C19orf85: variants seen among roughly 807,000 people sequenced by gnomAD.
The protein encoded by C19orf85 is chromosome 19 open reading frame 85.
At position 55,464,388 on chromosome 19, in the gene C19orf85, A is replaced by T. The variant is rs1289262647; in HGVS notation, c.167T>A (p.Ile56Asn). The T allele has an allele frequency of 5.0e-6, 2 of 398,024 alleles. No individual in the cohort carries two copies. The highest frequency in any genetic ancestry group is 4.1e-5 in the African/African-American group (2 of 48,464). The allele number at this position is 398,024 out of a possible 1,614,324, so 24.7% of individuals were successfully genotyped here. The part of the protein sequence containing the change: ...PNHRRFLHNQ[I>N]CRQFTKIEAA... ...TCCCCACCAGCCCCCTCACCTGCAG[A>T]TCTGGTTGTGCAGAAACCTTCTGTG... Residue 56 changes from isoleucine (I) to asparagine (N), a missense_variant, in exon 1 of 2, where the codon ATC (isoleucine) becomes AAC (asparagine). Coordinates refer to ENST00000635964, the MANE Select transcript of C19orf85 (RefSeq NM_001386794.1).
Position 55,463,793 on chromosome 19 carries a change from C to T in C19orf85, c.348G>A (p.Leu116=), listed in dbSNP as rs959276288. The T allele has an allele frequency of 2.5e-6, 1 of 398,720 alleles. No homozygotes were observed. The highest frequency in any genetic ancestry group is 3.6e-5 in the East Asian group (1 of 28,084). The allele number at this position is 398,720 out of a possible 1,614,324, so 24.7% of individuals were successfully genotyped here. A position where few individuals can be genotyped will look rare whatever the true frequency, so the allele number is the denominator to read the frequency against. The change falls in exon 2 of 2, where the codon CTG becomes CTA. Residue 116 remains leucine, a synonymous_variant. Coordinates refer to ENST00000635964, the MANE Select transcript of C19orf85 (RefSeq NM_001386794.1). The surrounding 1 kb of genome is among the most constrained non-coding windows in gnomAD (Gnocchi z 4.9). ...TAGAGGTGTCCAGGGCAGCGAGACT[C>T]AGGCTGGCGCTGGCATGGGGAGCCT... ...PTEAPHASAS[L]SLAALDTSTL... is the part of the protein sequence containing the mutation.
rs913800931 is a variant in C19orf85, at chr19:55,463,027, G to C, written c.*445C>G. Reference sequence around the variant, plus strand: ...GCATGGATATACTCTTTTATTGTCTGTTCCCCGCCAAAACACACACATGCA... The same window carrying C: ...GCATGGATATACTCTTTTATTGTCTCTTCCCCGCCAAAACACACACATGCA... On this transcript the variant is annotated 3_prime_UTR_variant, in exon 2 of 2. Coordinates refer to ENST00000635964, the MANE Select transcript of C19orf85 (RefSeq NM_001386794.1). The surrounding 1 kb of genome is among the most constrained non-coding windows in gnomAD (Gnocchi z 4.9). 5.9e-6 allele frequency: 1 copy of C among 168,696 alleles called. No individual in the cohort carries two copies. Among genetic ancestry groups the C allele is most frequent in the Admixed American group, 6.4e-5 (1 of 15,690 alleles). 10.4% of individuals were successfully genotyped at this position (168,696 alleles called of 1,614,324 possible).
rs547268837 is a variant in C19orf85 at position 55,464,430 on chromosome 19, G to C, written c.125C>G (p.Pro42Arg). 82 of 398,400 alleles carry C rather than the reference G, an allele frequency of 2.1e-4. No individual in the cohort carries two copies. Among genetic ancestry groups the C allele is most frequent in the South Asian group, 8.9e-4 (7 of 7,856 alleles). The allele number at this position is 398,400 out of a possible 1,614,324, so 24.7% of individuals were successfully genotyped here. ...CCTTCTGTGGTTGGGCCGCCTCTTG[G>C]GGGGCCGGGTGCGCCGGGGCTGCAG... is the stretch of plus-strand genomic sequence containing the variant. The part of the protein sequence containing the change: ...RALQPRRTRP[P>R]KRRPNHRRFL... The change falls in exon 1 of 2, where the codon CCC becomes CGC. Residue 42 changes from proline (P) to arginine (R), a missense_variant. Physicochemically the swap from Pro to Arg is moderately radical, Grantham distance 103. Transcript: ENST00000635964.
rs568295508 is a variant in C19orf85 at position 55,463,660 on chromosome 19, G to A, written c.481C>T (p.Arg161Cys). 9 of 398,814 alleles carry A rather than the reference G, an allele frequency of 2.3e-5. No homozygotes were observed. Among genetic ancestry groups the A allele is most frequent in the Admixed American group, 1.8e-4 (4 of 22,738 alleles). The allele number at this position is 398,814 out of a possible 1,614,324, so 24.7% of individuals were successfully genotyped here. The part of the protein sequence containing the change: ...APLPAPGLSH[R>C]DLGQLDLRQV... ...CTCAGGTCCAGCTGGCCCAGGTCGC[G>A]ATGGGACAGACCCGGCGCTGGCAGG... The change falls in exon 2 of 2, where the codon CGC becomes TGC. Residue 161 changes from arginine to cysteine, a missense_variant. Arg to Cys is a radical substitution (Grantham distance 180, BLOSUM62 -3). Coordinates refer to ENST00000635964, the MANE Select transcript of C19orf85 (RefSeq NM_001386794.1). This position sits in a 1 kb window ranked among gnomAD's most constrained non-coding sequence, Gnocchi z 4.9.
chr19:55,463,335 G>A lies in C19orf85; in HGVS notation c.*137C>T, dbSNP rs1986298432. The A allele has an allele frequency of 2.5e-6, 1 of 398,106 alleles. No homozygotes were observed. Among genetic ancestry groups the A allele is most frequent in the Non-Finnish European group, 4.4e-6 (1 of 226,250 alleles). 24.7% of individuals were successfully genotyped at this position (398,106 alleles called of 1,614,324 possible). A position where few individuals can be genotyped will look rare whatever the true frequency, so the allele number is the denominator to read the frequency against. ...ACCCCTGAGGCAGTGGTCTGAAGTG[G>A]GGGTCTGGGTTGGTTTATTTTCCCA... On this transcript the variant is annotated 3_prime_UTR_variant, in exon 2 of 2. Transcript: ENST00000635964. The surrounding 1 kb of genome is among the most constrained non-coding windows in gnomAD (Gnocchi z 4.9).
rs1352391893 is a variant in C19orf85 at position 55,463,312 on chromosome 19, C to A, written c.*160G>T. The A allele has an allele frequency of 1.0e-5, 4 of 397,774 alleles. No homozygotes were observed. The highest frequency in any genetic ancestry group is 8.2e-5 in the African/African-American group (4 of 48,632). 24.6% of individuals were successfully genotyped at this position (397,774 alleles called of 1,614,324 possible). ...GGGGCCCCTGGGCCCAGGAGGAGAC[C>A]CCTGAGGCAGTGGTCTGAAGTGGGG... On this transcript the variant is annotated 3_prime_UTR_variant, in exon 2 of 2. Transcript: ENST00000635964. This position sits in a 1 kb window ranked among gnomAD's most constrained non-coding sequence, Gnocchi z 4.9.
At position 55,463,555 on chromosome 19, in the gene C19orf85, A is replaced by G; in HGVS notation, c.586T>C (p.Trp196Arg). The G allele has an allele frequency of 2.5e-6, 1 of 398,616 alleles. No individual in the cohort carries two copies. The highest frequency in any genetic ancestry group is 4.4e-6 in the Non-Finnish European group (1 of 226,090). The allele number at this position is 398,616 out of a possible 1,614,324, so 24.7% of individuals were successfully genotyped here. The stretch of plus-strand genomic sequence containing the variant: ...ACCTCCCAGCAGTCCACCCAACCCC[A>G]GTCGGGAGCCACGAGATCAGCCTCT... ...GEEADLVAPD[W>R]GWVDCWEVPR... is the part of the protein sequence containing the mutation. The change falls in exon 2 of 2, where the codon TGG becomes CGG. Residue 196 changes from tryptophan (W) to arginine (R), a missense_variant. Physicochemically the swap from Trp to Arg is moderately radical, Grantham distance 101. Transcript: ENST00000635964. The surrounding 1 kb of genome is among the most constrained non-coding windows in gnomAD (Gnocchi z 4.9).
At position 55,464,524 on chromosome 19, in the gene C19orf85, C is replaced by T. The variant is rs919011749; in HGVS notation, c.31G>A (p.Val11Ile). The part of the protein sequence containing the change: MHPGVPEGPG[V>I]SEPGPRELCA... ...AGCTCCCGGGGGCCGGGCTCGGAGA[C>T]CCCAGGGCCTTCGGGGACCCCGGGG... The change falls in exon 1 of 2, where the codon GTC becomes ATC. Residue 11 changes from valine (V) to isoleucine (I), a missense_variant. Transcript: ENST00000635964. 3 of 398,288 alleles carry T rather than the reference C, an allele frequency of 7.5e-6. No individual in the cohort carries two copies. The highest frequency in any genetic ancestry group is 1.3e-5 in the Non-Finnish European group (3 of 225,910). 24.7% of individuals were successfully genotyped at this position (398,288 alleles called of 1,614,324 possible).
chr19:55,464,550 T>C lies in C19orf85; in HGVS notation c.5A>G (p.His2Arg). 1 of 398,186 alleles carries C rather than the reference T, an allele frequency of 2.5e-6. No individual in the cohort carries two copies. Among genetic ancestry groups the C allele is most frequent in the Non-Finnish European group, 4.4e-6 (1 of 225,848 alleles). 24.7% of individuals were successfully genotyped at this position (398,186 alleles called of 1,614,324 possible). ...CCCAGGGCCTTCGGGGACCCCGGGG[T>C]GCATGGCCAGGGTGGTCTGGAGTAA... MHPGVPEGPGVS... is the reference protein window; with the variant it reads MRPGVPEGPGVS... Residue 2 changes from histidine (H) to arginine (R), a missense_variant, in exon 1 of 2, where the codon CAC becomes CGC. Transcript: ENST00000635964.
In C19orf85 at chr19:55,464,546, G is replaced by A. The variant is rs1358296195; in HGVS notation, c.9C>T (p.Pro3=). 7.5e-6 allele frequency: 3 copies of A among 398,248 alleles called. No individual in the cohort carries two copies. The highest frequency in any genetic ancestry group is 3.6e-5 in the East Asian group (1 of 28,076). 24.7% of individuals were successfully genotyped at this position (398,248 alleles called of 1,614,324 possible). Residue 3 remains proline (P), a synonymous_variant, in exon 1 of 2, where the codon CCC becomes CCT. Coordinates refer to ENST00000635964, the MANE Select transcript of C19orf85 (RefSeq NM_001386794.1). MH[P]GVPEGPGVSE... Reference sequence around the variant, plus strand: ...AGACCCCAGGGCCTTCGGGGACCCCGGGGTGCATGGCCAGGGTGGTCTGGA... The same window carrying A: ...AGACCCCAGGGCCTTCGGGGACCCCAGGGTGCATGGCCAGGGTGGTCTGGA...
chr19:55,463,471 C>T lies in C19orf85; in HGVS notation c.*1G>A. 1 of 398,724 alleles carries T rather than the reference C, an allele frequency of 2.5e-6. No homozygotes were observed. The highest frequency in any genetic ancestry group is 4.4e-6 in the Non-Finnish European group (1 of 226,214). The allele number at this position is 398,724 out of a possible 1,614,324, so 24.7% of individuals were successfully genotyped here. On this transcript the variant is annotated 3_prime_UTR_variant, in exon 2 of 2. Transcript: ENST00000635964. This position sits in a 1 kb window ranked among gnomAD's most constrained non-coding sequence, Gnocchi z 4.9. ...GGTTCTGGGCTGGGTTGTGATTGGC[C>T]TCATGGGGAGCTGGTCCCCCAACCC...
At position 55,464,434 on chromosome 19, in the gene C19orf85, G is replaced by T. The variant is rs893169971; in HGVS notation, c.121C>A (p.Pro41Thr). The T allele has an allele frequency of 7.5e-6, 3 of 398,250 alleles. No individual in the cohort carries two copies. The highest frequency in any genetic ancestry group is 4.1e-5 in the African/African-American group (2 of 48,606). 24.7% of individuals were successfully genotyped at this position (398,250 alleles called of 1,614,324 possible). A position where few individuals can be genotyped will look rare whatever the true frequency, so the allele number is the denominator to read the frequency against. ...LRALQPRRTR[P>T]PKRRPNHRRF... ...CTGTGGTTGGGCCGCCTCTTGGGGG[G>T]CCGGGTGCGCCGGGGCTGCAGGGCC... Residue 41 changes from proline (P) to threonine (T), a missense_variant, in exon 1 of 2, where the codon CCC (proline) becomes ACC (threonine). Physicochemically the swap from Pro to Thr is conservative, Grantham distance 38. Coordinates refer to ENST00000635964, the MANE Select transcript of C19orf85 (RefSeq NM_001386794.1).
Position 55,463,932 on chromosome 19 carries a change from A to C in C19orf85, c.209T>G (p.Leu70Arg). 2.5e-6 allele frequency: 1 copy of C among 398,782 alleles called. No homozygotes were observed. The highest frequency in any genetic ancestry group is 3.6e-5 in the East Asian group (1 of 28,072). The allele number at this position is 398,782 out of a possible 1,614,324, so 24.7% of individuals were successfully genotyped here. ...FTKIEAATQR[L>R]ALSILSQEAP... The stretch of plus-strand genomic sequence containing the variant: ...CTCCTGGGACAGGATGGAGAGGGCC[A>C]GGCGCTGGGTGGCAGCCTCAATCTT... Residue 70 changes from leucine to arginine, a missense_variant, in exon 2 of 2, where the codon CTG (leucine) becomes CGG (arginine). Physicochemically the swap from Leu to Arg is moderately radical, Grantham distance 102. Coordinates refer to ENST00000635964, the MANE Select transcript of C19orf85 (RefSeq NM_001386794.1). This position sits in a 1 kb window ranked among gnomAD's most constrained non-coding sequence, Gnocchi z 4.9.
In C19orf85 at chr19:55,463,445, G is replaced by A. The variant is rs1009161691; in HGVS notation, c.*27C>T. ...CGTGGAGGGGCCTCTGGCTTGTCCT[G>A]GGTTCTGGGCTGGGTTGTGATTGGC... On this transcript the variant is annotated 3_prime_UTR_variant, in exon 2 of 2. Transcript: ENST00000635964. This position sits in a 1 kb window ranked among gnomAD's most constrained non-coding sequence, Gnocchi z 4.9. 3.5e-5 allele frequency: 14 copies of A among 398,552 alleles called. No homozygotes were observed. The highest frequency in any genetic ancestry group is 1.2e-3 in the Middle Eastern group (2 of 1,610). 24.7% of individuals were successfully genotyped at this position (398,552 alleles called of 1,614,324 possible).
rs1678994950 is a variant in C19orf85, at chr19:55,463,907, C to G, written c.234G>C (p.Glu78Asp). 2.3e-5 allele frequency: 9 copies of G among 399,016 alleles called. No individual in the cohort carries two copies. Among genetic ancestry groups the G allele is most frequent in the Non-Finnish European group, 4.4e-6 (1 of 226,420 alleles). 24.7% of individuals were successfully genotyped at this position (399,016 alleles called of 1,614,324 possible). Residue 78 changes from glutamate (E) to aspartate (D), a missense_variant, in exon 2 of 2, where the codon GAG becomes GAC. Glu to Asp is a conservative substitution (Grantham distance 45). Transcript: ENST00000635964. The surrounding 1 kb of genome is among the most constrained non-coding windows in gnomAD (Gnocchi z 4.9). Reference protein sequence around the residue: ...QRLALSILSQEAPPQRPSLQK... With the variant: ...QRLALSILSQDAPPQRPSLQK... The stretch of plus-strand genomic sequence containing the variant: ...GGAGCGAGGGTCTCTGGGGAGGTGC[C>G]TCCTGGGACAGGATGGAGAGGGCCA...
chr19:55,463,485 G>A lies in C19orf85; in HGVS notation c.656C>T (p.Thr219Ile). The change falls in exon 2 of 2, where the codon ACC becomes ATC. Residue 219 changes from threonine to isoleucine, a missense_variant. Thr to Ile is a moderately conservative substitution (Grantham distance 89). Transcript: ENST00000635964. This position sits in a 1 kb window ranked among gnomAD's most constrained non-coding sequence, Gnocchi z 4.9. ...TTGTGATTGGCCTCATGGGGAGCTG[G>A]TCCCCCAACCCTCGGGGATCCCCTG... The part of the protein sequence containing the change: ...DSQGIPEGWG[T>I]SSP 2.5e-6 allele frequency: 1 copy of A among 398,728 alleles called. No homozygotes were observed. Among genetic ancestry groups the A allele is most frequent in the Non-Finnish European group, 4.4e-6 (1 of 226,192 alleles). The allele number at this position is 398,728 out of a possible 1,614,324, so 24.7% of individuals were successfully genotyped here.
rs61739467 is a variant in C19orf85 at position 55,463,644 on chromosome 19, A to G, written c.497T>C (p.Leu166Pro). 2.7e-3 allele frequency: 1,073 copies of G among 398,742 alleles called. 12 individuals carry two copies. The highest frequency in any genetic ancestry group is 0.02 in the African/African-American group (961 of 48,760). 24.7% of individuals were successfully genotyped at this position (398,742 alleles called of 1,614,324 possible). A position where few individuals can be genotyped will look rare whatever the true frequency, so the allele number is the denominator to read the frequency against. ...GAAATGTGGGACCTGCCTCAGGTCC[A>G]GCTGGCCCAGGTCGCGATGGGACAG... ...PGLSHRDLGQ[L>P]DLRQVPHFCG... The change falls in exon 2 of 2, where the codon CTG (leucine) becomes CCG (proline). Residue 166 changes from leucine (L) to proline (P), a missense_variant. By Grantham distance (98) the Leu-to-Pro change is moderately conservative. Transcript: ENST00000635964. The surrounding 1 kb of genome is among the most constrained non-coding windows in gnomAD (Gnocchi z 4.9).
At position 55,464,523 on chromosome 19, in the gene C19orf85, A is replaced by T. The variant is rs971786278; in HGVS notation, c.32T>A (p.Val11Asp). The T allele has an allele frequency of 4.0e-5, 16 of 397,640 alleles. No individual in the cohort carries two copies. Among genetic ancestry groups the T allele is most frequent in the Non-Finnish European group, 5.8e-5 (13 of 225,740 alleles). The allele number at this position is 397,640 out of a possible 1,614,324, so 24.6% of individuals were successfully genotyped here. ...CAGCTCCCGGGGGCCGGGCTCGGAG[A>T]CCCCAGGGCCTTCGGGGACCCCGGG... MHPGVPEGPGVSEPGPRELCA... is the reference protein window; with the variant it reads MHPGVPEGPGDSEPGPRELCA... Residue 11 changes from valine to aspartate, a missense_variant, in exon 1 of 2, where the codon GTC becomes GAC. Physicochemically the swap from Val to Asp is radical, Grantham distance 152. Coordinates refer to ENST00000635964, the MANE Select transcript of C19orf85 (RefSeq NM_001386794.1).
rs974373242 is a variant in C19orf85, at chr19:55,463,843, C to G, written c.298G>C (p.Val100Leu). 63 of 399,004 alleles carry G rather than the reference C, an allele frequency of 1.6e-4. No individual in the cohort carries two copies. Among genetic ancestry groups the G allele is most frequent in the Admixed American group, 4.4e-5 (1 of 22,720 alleles). The allele number at this position is 399,004 out of a possible 1,614,324, so 24.7% of individuals were successfully genotyped here. A position where few individuals can be genotyped will look rare whatever the true frequency, so the allele number is the denominator to read the frequency against. Reference protein sequence around the residue: ...PPPPPSPFLGVACAVAPTEAP... With the variant: ...PPPPPSPFLGLACAVAPTEAP... Reference sequence around the variant, plus strand: ...TCAGTGGGGGCCACAGCACAGGCCACTCCCAGGAAGGGGGATGGAGGCGGT... The same window carrying G: ...TCAGTGGGGGCCACAGCACAGGCCAGTCCCAGGAAGGGGGATGGAGGCGGT... Residue 100 changes from valine to leucine, a missense_variant, in exon 2 of 2, where the codon GTG (valine) becomes CTG (leucine). Coordinates refer to ENST00000635964, the MANE Select transcript of C19orf85 (RefSeq NM_001386794.1). This position sits in a 1 kb window ranked among gnomAD's most constrained non-coding sequence, Gnocchi z 4.9.
Sources: allele counts gnomAD v4.1 joint callset, GRCh38; gene constraint gnomAD v4.1.1; non-coding constraint Gnocchi (gnomAD v3.1); transcripts MANE v1.5; gene names NCBI Gene and HGNC (gene_info 2026-07-23, HGNC 2026-07-21).